FTCDNL1: variants seen among roughly 807,000 people sequenced by gnomAD.
FTCDNL1 encodes formiminotransferase N-terminal subdomain-containing protein.
A neutral mutation model predicts 5.9 loss-of-function variants in FTCDNL1; 11 were observed. That is an observed-to-expected ratio of 1.87 (90% CI 1.18 to 3.10). FTCDNL1 has a LOEUF of 3.10. Ranked by LOEUF, FTCDNL1 falls within the 30% of genes most tolerant of loss-of-function variation. FTCDNL1 has a pLI of 0.00. For missense variants in FTCDNL1, 115 were observed against 65.5 expected (o/e 1.76, Z -2.61); for synonymous variants, 58 against 24.8 (o/e 2.34, Z -3.99).
chr2:199,833,143 A>T (rs1056857003), intron 3 of FTCDNL1, among the ~76,000 whole-genome samples: 2 of 151,994 alleles, frequency 1.3e-5, no homozygotes, highest in East Asian at 1.9e-4. Context: ...TAATTTTTTT[A>T]AAATTCCTTG....
chr2:199,808,415 T>C (rs979450826), downstream of FTCDNL1, among the ~76,000 whole-genome samples: 2 of 152,242 alleles, frequency 1.3e-5, no homozygotes, highest in African/African-American at 2.4e-5. Flanking sequence ...GTGCATAACA[T>C]ACAATTTGCC....
At chr2:199,836,521 CA>C (rs1702753104) in intron 3 of FTCDNL1, among the ~76,000 whole-genome samples, 1 of 152,092 alleles carries the variant, frequency 6.6e-6, no homozygotes, top group Non-Finnish European at 1.5e-5. Flanking sequence ...AAGAGTGAGA[CA>C]GGGGGCCAGC....
chr2:199,776,958 A>ATGTGTGTGTGTGTG (rs56145074), intron 3 of FTCDNL1, among the ~76,000 whole-genome samples: 2 of 136,140 alleles, frequency 1.5e-5, no homozygotes, highest in African/African-American at 5.6e-5. Context: ...ATGTGTGTAT[A>ATGTGTGTGTGTGTG]TGTGTGTGTG....
At chr2:199,805,082 G>T (rs1391314689), downstream of FTCDNL1, among the ~76,000 whole-genome samples, 1 of 152,130 alleles carries the variant, frequency 6.6e-6, no homozygotes, top group African/African-American at 2.4e-5. Context: ...GTGTTGGGGG[G>T]TGGGGAGAAA....
At chr2:199,782,331 T>A (rs544677096) in intron 3 of FTCDNL1, among the ~76,000 whole-genome samples, 3 of 152,316 alleles carry the variant, frequency 2.0e-5, no homozygotes, top group Non-Finnish European at 4.4e-5. Context: ...TAAAATGCAC[T>A]CATTTTGAGT....
rs1701110235 is a variant in FTCDNL1, at chr2:199,812,750, G to A, written c.398-26C>T. 4.3e-6 allele frequency: 3 copies of A among 696,468 alleles called. No individual in the cohort carries two copies. The East Asian group carries it at 8.1e-5, about 19-fold the overall frequency. The allele number at this position is 696,468 out of a possible 1,614,324, so 43.1% of individuals were successfully genotyped here. A position where few individuals can be genotyped will look rare whatever the true frequency, so the allele number is the denominator to read the frequency against. The stretch of plus-strand genomic sequence containing the variant: ...CTAAAAACAAGGAAAAAAATCTTTG[G>A]TATGATTTCGTTTTCCATGTGTGCT... On this transcript the variant is annotated intron_variant, in intron 4 of 4. Coordinates refer to ENST00000420128, the MANE Select transcript of FTCDNL1 (RefSeq NM_001363886.2).
the FTCDNL1 span, among the ~76,000 whole-genome samples, chr2:199,716,647 T>C: frequency 6.6e-6 from 1 of 152,188 alleles, no homozygotes; most frequent in Non-Finnish European, 1.5e-5. Flanking sequence ...TGGAGGCTTC[T>C]GATTATTTAG....
At chr2:199,739,987 A>T in the FTCDNL1 span, among the ~76,000 whole-genome samples, 1 of 152,216 alleles carries the variant, frequency 6.6e-6, no homozygotes, top group East Asian at 1.9e-4. Context: ...CGTCATTTAA[A>T]GATGAACACT....
At chr2:199,666,679 G>T in the FTCDNL1 span, among the ~76,000 whole-genome samples, 2 of 152,108 alleles carry the variant, frequency 1.3e-5, no homozygotes, top group Non-Finnish European at 2.9e-5. Context: ...CACTTTGGGA[G>T]GCCGAGGTGG....
the FTCDNL1 span, among the ~76,000 whole-genome samples, chr2:199,688,270 TTAAAAA>T: frequency 1.4e-5 from 2 of 148,004 alleles, no homozygotes; most frequent in Non-Finnish European, 3.0e-5. Context: ...TAAAAATAAA[TTAAAAA>T]TAAAAAATAA....
intron 3 of FTCDNL1, among the ~76,000 whole-genome samples, chr2:199,803,568 G>A (rs1014244942): frequency 2.6e-5 from 4 of 152,272 alleles, no homozygotes; most frequent in African/African-American, 7.2e-5. Context: ...AGGCTCAAAC[G>A]ATCCTCACTT....
At chr2:199,821,608 G>A (rs1019698693) in intron 3 of FTCDNL1, among the ~76,000 whole-genome samples, 1 of 151,730 alleles carries the variant, frequency 6.6e-6, no homozygotes, top group Non-Finnish European at 1.5e-5. Flanking sequence ...GGGATTACAG[G>A]AACCCGCTAC....
At chr2:199,709,941 A>G in the FTCDNL1 span, among the ~76,000 whole-genome samples, 1 of 148,178 alleles carries the variant, frequency 6.7e-6, no homozygotes, top group Non-Finnish European at 1.5e-5. Context: ...CTCTTTTTCT[A>G]TATTCAGTTG....
chr2:199,735,667 C>T, the FTCDNL1 span, among the ~76,000 whole-genome samples: 1 of 152,166 alleles, frequency 6.6e-6, no homozygotes, highest in East Asian at 1.9e-4. Flanking sequence ...AGTTCTTCCT[C>T]GTCTTTTCAT....
chr2:199,749,675 A>G, the FTCDNL1 span, among the ~76,000 whole-genome samples: 1 of 152,226 alleles, frequency 6.6e-6, no homozygotes, highest in Admixed American at 6.5e-5. Context: ...CAAAAACTCT[A>G]GAAGGTGCAT....
chr2:199,732,366 T>G, the FTCDNL1 span, among the ~76,000 whole-genome samples: 2 of 152,362 alleles, frequency 1.3e-5, no homozygotes, highest in Non-Finnish European at 2.9e-5. Flanking sequence ...CTCCCCGGTT[T>G]GTTCAATTCC....
downstream of FTCDNL1, among the ~76,000 whole-genome samples, chr2:199,809,177 A>C (rs1359261843): frequency 6.6e-6 from 1 of 152,232 alleles, no homozygotes; most frequent in African/African-American, 2.4e-5. Context: ...AAATGCAGTC[A>C]GATTCAAGAA....
intron 3 of FTCDNL1, among the ~76,000 whole-genome samples, chr2:199,821,498 G>A (rs776316275): frequency 4.2e-5 from 6 of 144,538 alleles, no homozygotes; most frequent in East Asian, 2.1e-4. Flanking sequence ...GGAGTTTCAC[G>A]CTGTCGCCCA....
At chr2:199,710,127 C>T in the FTCDNL1 span, among the ~76,000 whole-genome samples, 1 of 152,156 alleles carries the variant, frequency 6.6e-6, no homozygotes, top group Non-Finnish European at 1.5e-5. Context: ...CAAGGCTACA[C>T]TCTGCCTTCT....
Sources: gnomAD v4.1 joint callset for allele counts (sites outside exome capture counted in the v4.1 genomes callset) on GRCh38, gnomAD v4.1.1 for gene constraint, MANE v1.5 for transcripts, NCBI Gene and HGNC (gene_info 2026-07-23, HGNC 2026-07-21) for gene names.